Variants in FAT4 observed in about 807,000 individuals in gnomAD.
FAT4 encodes FAT atypical cadherin 4, also known as protocadherin Fat 4.
A neutral mutation model predicts 303.9 loss-of-function variants in FAT4; 84 were observed. The ratio of observed to expected loss-of-function variants is 0.28; its 90% CI spans 0.23 to 0.33. FAT4 has a LOEUF of 0.33. Among genes scored for constraint, FAT4 ranks in the 10% least tolerant of loss-of-function variants. The pLI is 1.00. For synonymous variants in FAT4, 2,307 were observed against 2,298.8 expected (o/e 1.00, Z -0.10); for missense variants, 6,005 against 6,146.8 (o/e 0.98, Z 0.77).
chr4:125,491,657 T>C lies in FAT4; in HGVS notation c.14841T>C (p.Asp4947=), dbSNP rs768693221. The C allele has an allele frequency of 2.0e-5, 32 of 1,614,174 alleles. No homozygotes were observed. The East Asian group carries it at 6.2e-4, about 31-fold the overall frequency. ...GCCCTGGCTTTGGCCATTATGTAGA[T>C]GTTTTTAAAGATTTGGCATCTCTTC... ...NWGPGFGHYV[D]VFKDLASLPE... The change falls in exon 18 of 18, where the codon GAT becomes GAC. Residue 4947 remains aspartate, a synonymous_variant. Transcript: ENST00000394329.
intron 7 of FAT4, among the ~76,000 whole-genome samples, chr4:125,428,903 A>G (rs947391054): frequency 6.6e-6 from 1 of 152,116 alleles, no homozygotes; most frequent in African/African-American, 2.4e-5. Context: ...ACTGTCCTCT[A>G]TCAGGAGCCC....
At chr4:125,489,113 G>A (rs919080785) in intron 17 of FAT4, among the ~76,000 whole-genome samples, 7 of 152,174 alleles carry the variant, frequency 4.6e-5, no homozygotes, top group Admixed American at 6.5e-5. Flanking sequence ...CAGGTCATAA[G>A]TCCTTTTTAT....
chr4:125,359,562 T>C (rs916477166), intron 2 of FAT4, among the ~76,000 whole-genome samples: 1 of 152,178 alleles, frequency 6.6e-6, no homozygotes, highest in Non-Finnish European at 1.5e-5. Flanking sequence ...GTCTTAAAAA[T>C]GTAACTATGA....
intron 7 of FAT4, among the ~76,000 whole-genome samples, chr4:125,424,192 C>T (rs909659816): frequency 6.6e-6 from 1 of 152,114 alleles, no homozygotes; most frequent in African/African-American, 2.4e-5. Context: ...GCTGTGTGCC[C>T]AGCCAAATCT....
chr4:125,457,079 C>G (rs1016602820), intron 10 of FAT4, among the ~76,000 whole-genome samples: 1 of 151,614 alleles, frequency 6.6e-6, no homozygotes, highest in African/African-American at 2.4e-5. Flanking sequence ...GAACTTTCTG[C>G]TTAAAATAAT....
At position 125,365,178 on chromosome 4, in the gene FAT4, A is replaced by G. The variant is rs144592437; in HGVS notation, c.5176-33606A>G. On this transcript the variant is annotated intron_variant, in intron 2 of 17. Coordinates refer to ENST00000394329, the MANE Select transcript of FAT4 (RefSeq NM_001291303.3). ...AGGGAATACCGGATGAGGAGTCATA[A>G]CAAGAAGACAATAAATTAGTTCAGG... Among the ~76,000 whole-genome samples the G allele has an allele frequency of 3.3e-5, 5 of 152,336 alleles. No homozygotes were observed. The East Asian group carries it at 7.7e-4, about 24-fold the overall frequency.
At chr4:125,426,625 A>T (rs995705897) in intron 7 of FAT4, among the ~76,000 whole-genome samples, 7 of 152,058 alleles carry the variant, frequency 4.6e-5, no homozygotes, top group African/African-American at 1.7e-4. Context: ...TTCTACATAG[A>T]ATTTTATTTG....
chr4:125,391,368 G>A (rs1383209603), intron 2 of FAT4, among the ~76,000 whole-genome samples: 1 of 152,096 alleles, frequency 6.6e-6, no homozygotes, highest in Non-Finnish European at 1.5e-5. Flanking sequence ...GTCCTTTTCA[G>A]GGAAATGGAT....
intron 8 of FAT4, among the ~76,000 whole-genome samples, chr4:125,435,772 G>A (rs1277113631): frequency 6.6e-6 from 1 of 152,058 alleles, no homozygotes; most frequent in East Asian, 1.9e-4. Context: ...CAGAATTGGG[G>A]TTTTCCAATT....
In FAT4 at chr4:125,483,403, T is replaced by A. The variant is rs185780277; in HGVS notation, c.12822+1665T>A. ...CTGTTAAGTTGCTTCCAAGTCTTCG[T>A]GCCATTTAAATGACATATGAAATAT... On this transcript the variant is annotated intron_variant, in intron 16 of 17. Coordinates refer to ENST00000394329, the MANE Select transcript of FAT4 (RefSeq NM_001291303.3). Among the ~76,000 whole-genome samples the A allele has an allele frequency of 9.9e-4, 151 of 152,330 alleles. 1 individual carries two copies. Among genetic ancestry groups the A allele is most frequent in the African/African-American group, 3.5e-3 (146 of 41,574 alleles).
chr4:125,373,658 T>G (rs771000426), intron 2 of FAT4, among the ~76,000 whole-genome samples: 17 of 152,218 alleles, frequency 1.1e-4, no homozygotes, highest in Non-Finnish European at 1.8e-4. Flanking sequence ...CTCACACACT[T>G]TTATCTCATT....
At chr4:125,425,966 G>T (rs1378800572) in intron 7 of FAT4, among the ~76,000 whole-genome samples, 3 of 152,052 alleles carry the variant, frequency 2.0e-5, no homozygotes, top group Admixed American at 2.0e-4. Context: ...CTTATGCAGG[G>T]ATTGAAAATT....
intron 2 of FAT4, among the ~76,000 whole-genome samples, chr4:125,363,509 T>A (rs772446167): frequency 4.0e-5 from 6 of 151,800 alleles, no homozygotes; most frequent in South Asian, 2.1e-4. Flanking sequence ...ATATATATAT[T>A]TTTTTGAGAA....
chr4:125,432,402 T>C (rs1341094225), intron 7 of FAT4, among the ~76,000 whole-genome samples: 1 of 152,242 alleles, frequency 6.6e-6, no homozygotes, highest in Non-Finnish European at 1.5e-5. Flanking sequence ...AGACAGTTTA[T>C]GTAAACTTCT....
chr4:125,401,744 A>AAACAG (rs3034202), intron 3 of FAT4, among the ~76,000 whole-genome samples: 150,554 of 151,936 alleles, frequency 0.99, 74,603 homozygotes, highest in East Asian at 1. Flanking sequence ...TCCCTTTTAT[A>AAACAG]AATTATGCTA....
rs1726068287 is a variant in FAT4, at chr4:125,451,436, C to T, written c.10426C>T (p.Pro3476Ser). The T allele has an allele frequency of 2.5e-6, 4 of 1,614,142 alleles. No individual in the cohort carries two copies. In the South Asian group the frequency reaches 4.4e-5, roughly 18 times the overall value. Reference protein sequence around the residue: ...VTAELDRETLPIYNLSVLAVD... With the variant: ...VTAELDRETLSIYNLSVLAVD... ...TGCAGAATTAGATCGAGAAACCCTT[C>T]CCATCTATAATCTCTCAGTTTTGGC... Residue 3476 changes from proline to serine, a missense_variant, in exon 10 of 18, where the codon CCC (proline) becomes TCC (serine). By Grantham distance (74) the Pro-to-Ser change is moderately conservative. Transcript: ENST00000394329.
intron 2 of FAT4, among the ~76,000 whole-genome samples, chr4:125,339,296 AGCGATTCTCCTGCCTCAGCCTCCCGAG>A (rs1560767601): frequency 9.9e-5 from 15 of 151,332 alleles, no homozygotes; most frequent in African/African-American, 3.4e-4. Context: ...CCCGGGTTCA[AGCGATTCTCCTGCCTCAGCCTCCCGAG>A]TAGCTGGGAT....
Position 125,450,399 on chromosome 4 carries a change from TTTC to T in FAT4, c.9393_9395del (p.Ser3132del). The T allele has an allele frequency of 6.2e-7, 1 of 1,614,122 alleles. No individual in the cohort carries two copies. On this transcript the variant is annotated inframe_deletion, in exon 10 of 18. Coordinates refer to ENST00000394329, the MANE Select transcript of FAT4 (RefSeq NM_001291303.3). ...ATGAATGGCTTGATTAAGTACAGCA[TTTC>T]TTCAGGAAATGAAGAAGGCATTTTT...
intron 2 of FAT4, among the ~76,000 whole-genome samples, chr4:125,376,734 T>C (rs1366128892): frequency 6.6e-6 from 1 of 152,074 alleles, no homozygotes; most frequent in Non-Finnish European, 1.5e-5. Flanking sequence ...ACCCGGTCTC[T>C]ACTAAAAATA....
Sources: gnomAD v4.1 joint callset for allele counts (sites outside exome capture counted in the v4.1 genomes callset) on GRCh38, gnomAD v4.1.1 for gene constraint, MANE v1.5 for transcripts, NCBI Gene and HGNC (gene_info 2026-07-23, HGNC 2026-07-21) for gene names.